The following STN1 variants were observed in gnomAD, a reference collection of about 807,000 sequenced individuals.
STN1 encodes CST complex subunit STN1.
A neutral mutation model predicts 45.5 loss-of-function variants in STN1; 29 were observed. That is an observed-to-expected ratio of 0.64 (90% CI 0.47 to 0.87). The LOEUF is 0.87. STN1 is among the 40% of genes least tolerant of loss of function. The probability of loss-of-function intolerance (pLI) is 0.00; values close to 1 mark genes in which losing one functional copy is unlikely to be tolerated. For synonymous variants in STN1, 148 were observed against 159.0 expected, an observed-to-expected ratio of 0.93 and a Z score of 0.52; for missense variants, 376 against 441.4, an observed-to-expected ratio of 0.85 and a Z score of 1.33.
Position 103,900,753 on chromosome 10 carries a change from C to G in STN1, c.296-530G>C, listed in dbSNP as rs544739892. 3.5e-5 allele frequency among the ~76,000 whole-genome samples: 5 copies of G among 142,230 alleles called. No individual in the cohort carries two copies. The East Asian group carries it at 8.0e-4, about 23-fold the overall frequency. 93.3% of individuals were successfully genotyped at this position (142,230 alleles called of 152,430 possible). On this transcript the variant is annotated intron_variant, in intron 4 of 9. Transcript: ENST00000224950. ...ACACTCTCTCTCTCTCTCACACTTT[C>G]TCCACTTTCTCTCTCTCATACCACT...
chr10:103,912,835 C>T lies in STN1; in HGVS notation c.134-2213G>A, dbSNP rs541498206. Among the ~76,000 whole-genome samples the T allele has an allele frequency of 8.5e-5, 13 of 152,356 alleles. No homozygotes were observed. The East Asian group carries it at 1.5e-3, about 18-fold the overall frequency. ...GGCTGGCCCCCGCTCCCCTGGCCTA[C>T]GTGATGGTCCTTCCTGGCTGCCAGG... On this transcript the variant is annotated intron_variant, in intron 2 of 9. Transcript: ENST00000224950.
intron 9 of STN1, 34 bp from the exon 10 acceptor site, chr10:103,882,875 A>G: frequency 6.3e-7 from 1 of 1,590,846 alleles, no homozygotes; most frequent in Non-Finnish European, 8.6e-7. Flanking sequence ...GAGTGTGGAC[A>G]CAACTGTCAG....
intron 8 of STN1, among the ~76,000 whole-genome samples, chr10:103,890,070 G>A (rs1843129780): frequency 6.6e-6 from 1 of 151,716 alleles, no homozygotes; most frequent in Admixed American, 6.6e-5. Context: ...TCACCTTCAT[G>A]TTCCACAGTG....
intron 2 of STN1, 28 bp downstream of exon 2, chr10:103,917,434 G>C: frequency 6.2e-7 from 1 of 1,606,286 alleles, no homozygotes; most frequent in Non-Finnish European, 8.5e-7. Context: ...ATGCAGCCCA[G>C]GGCATCCCAG....
chr10:103,893,681 G>A (rs1843154652), intron 7 of STN1, among the ~76,000 whole-genome samples: 1 of 152,192 alleles, frequency 6.6e-6, no homozygotes, highest in Non-Finnish European at 1.5e-5. Flanking sequence ...GGAGAGGAAA[G>A]AGCCTCCACA....
intron 3 of STN1, among the ~76,000 whole-genome samples, chr10:103,908,913 G>T (rs1245176018): frequency 6.6e-6 from 1 of 151,522 alleles, no homozygotes; most frequent in African/African-American, 2.4e-5. Flanking sequence ...GTGGGTGGGG[G>T]ATGGAAGAAA....
Position 103,917,645 on chromosome 10 carries a change from T to G in STN1, c.-51A>C. 1 of 1,592,972 alleles carries G rather than the reference T, an allele frequency of 6.3e-7. No homozygotes were observed. The highest frequency in any genetic ancestry group is 8.6e-7 in the Non-Finnish European group (1 of 1,169,236). On this transcript the variant is annotated 5_prime_UTR_variant, in exon 2 of 10. Transcript: ENST00000224950. ...CTAACTCTGAAAGGTTCTGCATCAC[T>G]GAGTCAAGCATCTAGATGGGACACA...
At chr10:103,883,891 A>C (rs1843087100) in intron 9 of STN1, among the ~76,000 whole-genome samples, 1 of 152,020 alleles carries the variant, frequency 6.6e-6, no homozygotes, top group African/African-American at 2.4e-5. Flanking sequence ...GGAGTTCGAG[A>C]CCAGCCTGGC....
intron 7 of STN1, among the ~76,000 whole-genome samples, chr10:103,895,743 T>C (rs1005663388): frequency 3.3e-5 from 5 of 152,212 alleles, no homozygotes; most frequent in African/African-American, 1.2e-4. Context: ...TGACTCAGTA[T>C]CTGTTCCACC....
intron 9 of STN1, among the ~76,000 whole-genome samples, chr10:103,885,426 G>A (rs1290573535): frequency 1.3e-5 from 2 of 152,148 alleles, no homozygotes; most frequent in African/African-American, 4.8e-5. Context: ...GGCATCCATG[G>A]GGCCCAAAGC....
chr10:103,907,827 T>TAAA (rs35393286), intron 3 of STN1, among the ~76,000 whole-genome samples: 1 of 146,328 alleles, frequency 6.8e-6, no homozygotes, highest in African/African-American at 2.5e-5. Context: ...AATAGAAAGT[T>TAAA]AAAAAAAAAA....
At position 103,888,799 on chromosome 10, in the gene STN1, A is replaced by G. The variant is rs138976056; in HGVS notation, c.949+273T>C. Among the ~76,000 whole-genome samples, 650 of 152,302 alleles carry G rather than the reference A, an allele frequency of 4.3e-3. 7 individuals are homozygous for G. The highest frequency in any genetic ancestry group is 0.021 in the Middle Eastern group (6 of 292). On this transcript the variant is annotated intron_variant, in intron 9 of 9. Coordinates refer to ENST00000224950, the MANE Select transcript of STN1 (RefSeq NM_024928.5). The stretch of plus-strand genomic sequence containing the variant: ...CTAGCCCCCACCTCATCCTCTATGG[A>G]AACAAAATCCCCAGGGTAGAATCTG...
intron 9 of STN1, among the ~76,000 whole-genome samples, chr10:103,883,290 C>T (rs1016564743): frequency 5.3e-5 from 8 of 152,244 alleles, no homozygotes; most frequent in South Asian, 2.1e-4. Flanking sequence ...TGATTTGATG[C>T]GGCTGCCTGG....
At chr10:103,884,741 G>A (rs1843092557) in intron 9 of STN1, among the ~76,000 whole-genome samples, 2 of 152,270 alleles carry the variant, frequency 1.3e-5, no homozygotes, top group Middle Eastern at 3.4e-3. Context: ...CTGTAGCTTT[G>A]GGCAAGCCAT....
chr10:103,909,540 GTACATA>G (rs1564635232), intron 3 of STN1, among the ~76,000 whole-genome samples: 1 of 66,222 alleles, frequency 1.5e-5, no homozygotes, highest in African/African-American at 3.8e-5. Context: ...ACATATATAT[GTACATA>G]TATATATGCT....
At chr10:103,888,189 G>A (rs1228861610) in intron 9 of STN1, among the ~76,000 whole-genome samples, 1 of 152,172 alleles carries the variant, frequency 6.6e-6, no homozygotes, top group Non-Finnish European at 1.5e-5. Context: ...ACCAGTGCTG[G>A]AAACCTGGCC....
chr10:103,905,182 A>G, intron 3 of STN1, 26 bp from the exon 4 acceptor site: 2 of 1,607,522 alleles, frequency 1.2e-6, no homozygotes, highest in South Asian at 1.1e-5. Context: ...AAAAGGGTAT[A>G]AGAGAGATTT....
chr10:103,894,629 T>C (rs939810590), intron 7 of STN1, among the ~76,000 whole-genome samples: 5 of 151,498 alleles, frequency 3.3e-5, no homozygotes, highest in Admixed American at 6.6e-5. Context: ...GTGTCTTTCT[T>C]GTCTTTTTCA....
Position 103,900,047 on chromosome 10 carries a change from A to G in STN1, c.457+15T>C, listed in dbSNP as rs759459812. 3 of 1,609,994 alleles carry G rather than the reference A, an allele frequency of 1.9e-6. No individual in the cohort carries two copies. Among genetic ancestry groups the G allele is most frequent in the East Asian group, 2.2e-5 (1 of 44,822 alleles). On this transcript the variant is annotated intron_variant, in intron 5 of 9. Transcript: ENST00000224950. ...CAGAAAAACCACCAATTTGGTAGAA[A>G]TATCTTGTGCTTACAGTAAGTGGTG...
Sources: allele counts gnomAD v4.1 joint callset (sites outside exome capture counted in the v4.1 genomes callset), GRCh38; gene constraint gnomAD v4.1.1; transcripts MANE v1.5; gene names NCBI Gene and HGNC (gene_info 2026-07-23, HGNC 2026-07-21).